CCDC34: variants seen among roughly 807,000 people sequenced by gnomAD.
CCDC34 encodes the protein coiled-coil domain containing 34, also known as coiled-coil domain-containing protein 34.
A neutral mutation model predicts 44.1 loss-of-function variants in CCDC34; 40 were observed. The observed-to-expected ratio is 0.91, with a 90% CI of 0.70 to 1.18. CCDC34 has a LOEUF of 1.18. Among genes scored for constraint, CCDC34 ranks in the 50% most tolerant of loss-of-function variants. CCDC34 has a pLI of 0.00. For synonymous variants in CCDC34, 159 were observed against 158.2 expected (o/e 1.01, Z -0.04); for missense variants, 466 against 452.3 (o/e 1.03, Z -0.28).
In CCDC34 at chr11:27,338,863, C is replaced by T; in HGVS notation, c.1080G>A (p.Arg360=). The part of the protein sequence containing the change: ...KSSSLVIHKA[R]SNLCLGTLCR... ...ACAGAGTTCCAAGGCAAAGATTGCT[C>T]CTGGCTTTATGAATTACCAGAGATG... is the stretch of plus-strand genomic sequence containing the variant. Residue 360 remains arginine, a synonymous_variant, in exon 6 of 6, where the codon AGG becomes AGA. Transcript: ENST00000328697. 2 of 1,613,836 alleles carry T rather than the reference C, an allele frequency of 1.2e-6. No individual in the cohort carries two copies. Among genetic ancestry groups the T allele is most frequent in the African/African-American group, 1.3e-5 (1 of 75,032 alleles).
chr11:27,350,301 T>G, intron 3 of CCDC34, 31 bp downstream of exon 3: 2 of 1,613,776 alleles, frequency 1.2e-6, no homozygotes, highest in Admixed American at 1.7e-5. Flanking sequence ...AAAAGAGATG[T>G]CAATGTGTGT....
chr11:27,349,014 C>T (rs1481494194), intron 3 of CCDC34: 2 of 983,074 alleles, frequency 2.0e-6, no homozygotes, highest in Non-Finnish European at 2.4e-6. Flanking sequence ...ATTAGGTCTA[C>T]TGCCACTAAT....
At chr11:27,339,109 AG>A in intron 5 of CCDC34, 74 bp from the exon 6 acceptor site, 2 of 1,084,312 alleles carry the variant, frequency 1.8e-6, no homozygotes, top group Non-Finnish European at 2.7e-6. Flanking sequence ...TAAAACTTCT[AG>A]AAAAATGTTA....
chr11:27,358,976 C>A (rs1862620069), intron 1 of CCDC34, among the ~76,000 whole-genome samples: 1 of 145,100 alleles, frequency 6.9e-6, no homozygotes, highest in African/African-American at 2.5e-5. Flanking sequence ...CCCCCACCGC[C>A]ACCACCTCCC....
chr11:27,349,541 C>A (rs772100627), intron 3 of CCDC34: 73 of 949,948 alleles, frequency 7.7e-5, no homozygotes, highest in Non-Finnish European at 9.0e-5. Context: ...CATTTTTCCA[C>A]ATTTGTAAAA....
chr11:27,344,427 CAT>C (rs1349125241), intron 3 of CCDC34, among the ~76,000 whole-genome samples: 9 of 151,974 alleles, frequency 5.9e-5, no homozygotes, highest in South Asian at 2.1e-4. Context: ...ATATTATAAA[CAT>C]GTGTGTTACA....
At chr11:27,344,709 C>T (rs188596303) in intron 3 of CCDC34, among the ~76,000 whole-genome samples, 43 of 151,878 alleles carry the variant, frequency 2.8e-4, no homozygotes, top group South Asian at 1.0e-3. Flanking sequence ...AAAGAAAAAC[C>T]ATGTTTATAG....
At chr11:27,339,529 T>C (rs913691023) in intron 5 of CCDC34, among the ~76,000 whole-genome samples, 1 of 152,206 alleles carries the variant, frequency 6.6e-6, no homozygotes. Flanking sequence ...TTTCACAATA[T>C]CACTGTAATT....
At chr11:27,348,737 G>GAGCA (rs1862466711) in intron 3 of CCDC34, 1 of 578,934 alleles carries the variant, frequency 1.7e-6, no homozygotes, top group African/African-American at 2.1e-5. Context: ...AGAACCAGGA[G>GAGCA]AGCAGTCTTT....
chr11:27,358,892 T>G (rs1590331776), intron 1 of CCDC34, among the ~76,000 whole-genome samples: 1 of 149,162 alleles, frequency 6.7e-6, no homozygotes, highest in South Asian at 2.2e-4. Context: ...GTTATCACCC[T>G]CCAGCCAGTT....
At chr11:27,355,084 G>A (rs1476818455) in intron 2 of CCDC34, among the ~76,000 whole-genome samples, 6 of 152,038 alleles carry the variant, frequency 3.9e-5, no homozygotes, top group African/African-American at 1.5e-4. Context: ...TCTGTACACT[G>A]ACTAAAAATG....
chr11:27,353,516 A>T (rs11029968), intron 2 of CCDC34, among the ~76,000 whole-genome samples: 6,709 of 152,144 alleles, frequency 0.044, 184 homozygotes, highest in Non-Finnish European at 0.066. Flanking sequence ...AAACCAATAT[A>T]CTAGTTTTTC....
rs1425164694 is a variant in CCDC34, at chr11:27,338,973, T to C, written c.970A>G (p.Ile324Val). 4 of 1,613,890 alleles carry C rather than the reference T, an allele frequency of 2.5e-6. No individual in the cohort carries two copies. The highest frequency in any genetic ancestry group is 1.3e-5 in the African/African-American group (1 of 75,024). Reference sequence around the variant, plus strand: ...GCTTCTTTGGGAGGTGGCATATGAATTGGTTTCCACGGAATTGGATTATAA... The same window carrying C: ...GCTTCTTTGGGAGGTGGCATATGAACTGGTTTCCACGGAATTGGATTATAA... ...AFYNPIPWKP[I>V]HMPPPKEAKD... is the part of the protein sequence containing the mutation. Residue 324 changes from isoleucine (I) to valine (V), a missense_variant, in exon 6 of 6, where the codon ATT (isoleucine) becomes GTT (valine). Transcript: ENST00000328697.
chr11:27,350,338 A>C lies in CCDC34; in HGVS notation c.600T>G (p.Asn200Lys). 6.2e-7 allele frequency: 1 copy of C among 1,614,020 alleles called. No homozygotes were observed. Among genetic ancestry groups the C allele is most frequent in the South Asian group, 1.1e-5 (1 of 91,046 alleles). The change falls in exon 3 of 6, where the codon AAT (asparagine) becomes AAG (lysine). Residue 200 changes from asparagine (N) to lysine (K), a missense_variant. Asn to Lys is a moderately conservative substitution (Grantham distance 94, BLOSUM62 0). Coordinates refer to ENST00000328697, the MANE Select transcript of CCDC34 (RefSeq NM_030771.2). The part of the protein sequence containing the change: ...EKHKEWVQKK[N>K]EQKRKEREQK... ...TCCATTTTCCCCTCCTTACTTGCTC[A>C]TTCTTTTTCTGAACCCATTCCTTGT...
chr11:27,361,322 A>G (rs933627169), intron 1 of CCDC34, among the ~76,000 whole-genome samples: 1 of 152,172 alleles, frequency 6.6e-6, no homozygotes, highest in African/African-American at 2.4e-5. Flanking sequence ...AAACTAATGC[A>G]AGGTTTCAGT....
intron 3 of CCDC34, among the ~76,000 whole-genome samples, 198 bp from the exon 4 acceptor site, chr11:27,341,748 G>A (rs1226518559): frequency 6.6e-6 from 1 of 152,068 alleles, no homozygotes; most frequent in East Asian, 1.9e-4. Context: ...CTACCTGCTG[G>A]GCTATAAGTT....
Position 27,356,749 on chromosome 11 carries a change from C to T in CCDC34, c.498+654G>A, listed in dbSNP as rs530282259. 2.0e-5 allele frequency among the ~76,000 whole-genome samples: 3 copies of T among 151,474 alleles called. 1 individual carries two copies. The highest frequency in any genetic ancestry group is 4.2e-4 in the South Asian group (2 of 4,760). ...ATAGTAAAAGTTCAAAAGAGACTCA[C>T]GCATGGAAATGTCCATAAGTGAGGG... On this transcript the variant is annotated intron_variant, in intron 2 of 5. Transcript: ENST00000328697.
intron 1 of CCDC34, among the ~76,000 whole-genome samples, chr11:27,358,958 A>ACCCCCCCCCCCCCCCC (rs71050907): frequency 3.4e-5 from 3 of 88,174 alleles, no homozygotes; most frequent in Non-Finnish European, 4.5e-5. Flanking sequence ...CAACATGTGG[A>ACCCCCCCCCCCCCCCC]CCCCCCCCCC....
At chr11:27,360,434 C>T (rs1768849979) in intron 1 of CCDC34, among the ~76,000 whole-genome samples, 1 of 152,176 alleles carries the variant, frequency 6.6e-6, no homozygotes, top group African/African-American at 2.4e-5. Context: ...GATGCCTGAG[C>T]CTAGCTCAAA....
Sources: allele counts gnomAD v4.1 joint callset (sites outside exome capture counted in the v4.1 genomes callset), GRCh38; gene constraint gnomAD v4.1.1; transcripts MANE v1.5; gene names NCBI Gene and HGNC (gene_info 2026-07-23, HGNC 2026-07-21).